The following UTRN variants were observed in gnomAD, a reference collection of about 807,000 sequenced individuals.
The protein encoded by UTRN is utrophin.
UTRN carries 283 observed loss-of-function variants against 463.9 expected under a neutral mutation model. The observed-to-expected ratio is 0.61, with a 90% CI of 0.55 to 0.67. UTRN has a LOEUF of 0.67. Among genes scored for constraint, UTRN ranks in the 30% least tolerant of loss-of-function variants. The pLI, the probability that UTRN is intolerant of heterozygous loss-of-function variation, is 0.00. For missense variants in UTRN, 3,922 were observed against 4,084.3 expected (o/e 0.96, Z 1.08); for synonymous variants, 1,442 against 1,431.5 (o/e 1.01, Z -0.17).
chr6:144,302,888 A>C (rs1230923811), intron 2 of UTRN, among the ~76,000 whole-genome samples: 1 of 152,170 alleles, frequency 6.6e-6, no homozygotes, highest in Non-Finnish European at 1.5e-5. Flanking sequence ...AGGCATTTGA[A>C]GTCTGTCCCT....
At chr6:144,815,554 A>G (rs2128751370) in intron 65 of UTRN, among the ~76,000 whole-genome samples, 1 of 152,352 alleles carries the variant, frequency 6.6e-6, no homozygotes, top group South Asian at 2.1e-4. Context: ...AGCCCCTGGC[A>G]AACCACTGGT....
chr6:144,390,659 A>G (rs1490625082), intron 2 of UTRN, among the ~76,000 whole-genome samples: 2 of 152,168 alleles, frequency 1.3e-5, no homozygotes, highest in African/African-American at 4.8e-5. Context: ...CTCTTCTACA[A>G]ATGCCTTTCT....
chr6:144,485,579 A>T (rs531104725), intron 28 of UTRN, 60 bp downstream of exon 28: 2 of 1,602,626 alleles, frequency 1.2e-6, no homozygotes, highest in African/African-American at 2.7e-5. Flanking sequence ...CACGTGTATT[A>T]CAATGAGGAA....
chr6:144,496,656 G>A (rs9321977), intron 33 of UTRN, among the ~76,000 whole-genome samples: 19 of 152,008 alleles, frequency 1.2e-4, no homozygotes, highest in Admixed American at 8.5e-4. Flanking sequence ...AAATTATCTC[G>A]TTGTCTAATG....
intron 41 of UTRN, among the ~76,000 whole-genome samples, chr6:144,528,485 G>A (rs938235295): frequency 3.9e-5 from 6 of 152,234 alleles, no homozygotes; most frequent in Non-Finnish European, 8.8e-5. Context: ...CCCATGAAAT[G>A]CTTCCTTGAT....
intron 49 of UTRN, among the ~76,000 whole-genome samples, chr6:144,556,656 T>C (rs1799411981): frequency 6.6e-6 from 1 of 152,238 alleles, no homozygotes; most frequent in Admixed American, 6.5e-5. Flanking sequence ...GTTTGGCTAT[T>C]CAAGCAAACT....
chr6:144,837,457 C>T (rs1238788194), intron 71 of UTRN, among the ~76,000 whole-genome samples: 1 of 152,186 alleles, frequency 6.6e-6, no homozygotes, highest in Non-Finnish European at 1.5e-5. Flanking sequence ...GAGACCTTTG[C>T]AGCAGGTGCA....
chr6:144,543,219 T>TG (rs1798128738), intron 46 of UTRN, among the ~76,000 whole-genome samples: 1 of 152,154 alleles, frequency 6.6e-6, no homozygotes, highest in Admixed American at 6.6e-5. Flanking sequence ...CAGCTATAAC[T>TG]TGTTGTGTTA....
chr6:144,429,492 TA>T, intron 8 of UTRN, 88 bp from the exon 9 acceptor site: 1 of 1,241,496 alleles, frequency 8.1e-7, no homozygotes, highest in Non-Finnish European at 1.1e-6. Flanking sequence ...TTATGGGTAC[TA>T]AGGAGAGTTA....
intron 51 of UTRN, among the ~76,000 whole-genome samples, chr6:144,649,182 A>AC: frequency 6.6e-6 from 1 of 152,324 alleles, no homozygotes; most frequent in South Asian, 2.1e-4. Flanking sequence ...TTTAAAAAAA[A>AC]CAAAACACGA....
intron 65 of UTRN, among the ~76,000 whole-genome samples, chr6:144,805,705 C>T (rs1358247839): frequency 6.6e-6 from 1 of 152,110 alleles, no homozygotes; most frequent in Non-Finnish European, 1.5e-5. Flanking sequence ...AAGTTCAAAG[C>T]CCTTCTGATT....
At position 144,537,618 on chromosome 6, in the gene UTRN, G is replaced by A. The variant is rs374804526; in HGVS notation, c.6270G>A (p.Arg2090=). The A allele has an allele frequency of 2.5e-5, 40 of 1,609,238 alleles. No homozygotes were observed. Among genetic ancestry groups the A allele is most frequent in the South Asian group, 2.4e-4 (22 of 90,252 alleles). The part of the protein sequence containing the change: ...KGESKQVMKY[R]HQLDEIICWL... ...AAAGTAAGCAGGTGATGAAGTACAGGCATCAGCTAGATGAGATTATCTGTT... is the reference window on the plus strand; with the variant it reads ...AAAGTAAGCAGGTGATGAAGTACAGACATCAGCTAGATGAGATTATCTGTT... The change falls in exon 44 of 75, where the codon AGG becomes AGA. Residue 2090 remains arginine (R), a synonymous_variant. Transcript: ENST00000367545.
At chr6:144,465,018 CT>C (rs1205057664) in intron 23 of UTRN, among the ~76,000 whole-genome samples, 2 of 152,190 alleles carry the variant, frequency 1.3e-5, no homozygotes, top group African/African-American at 4.8e-5. Flanking sequence ...TGGGAGAAGA[CT>C]TCCAGTGGGT....
intron 52 of UTRN, among the ~76,000 whole-genome samples, chr6:144,690,920 A>G (rs1000900544): frequency 3.3e-5 from 5 of 152,036 alleles, no homozygotes; most frequent in Non-Finnish European, 7.4e-5. Context: ...TGCTTCTTTC[A>G]AAGGGTCTGT....
intron 34 of UTRN, among the ~76,000 whole-genome samples, chr6:144,505,852 G>T (rs932542317): frequency 2.6e-5 from 4 of 152,154 alleles, no homozygotes; most frequent in Non-Finnish European, 5.9e-5. Flanking sequence ...TGCCAGTTGG[G>T]CGTTAAAGTA....
chr6:144,819,911 C>CCTCCTCCTGTCT lies in UTRN; in HGVS notation c.9358-968_9358-967insCTCCTGTCTCTC, dbSNP rs11397588. Among the ~76,000 whole-genome samples the CCTCCTCCTGTCT allele has an allele frequency of 3.4e-3, 399 of 118,628 alleles. 3 individuals carry two copies. The highest frequency in any genetic ancestry group is 8.3e-3 in the South Asian group (30 of 3,600). The allele number at this position is 118,628 out of a possible 152,430, so 77.8% of individuals were successfully genotyped here. ...TCCTCCTCCTCCTCCTCCTCCTCCT[C>CCTCCTCCTGTCT]CTCTCTCTCTCTCTCTCTCTCTTTC... On this transcript the variant is annotated intron_variant, in intron 65 of 74. Coordinates refer to ENST00000367545, the MANE Select transcript of UTRN (RefSeq NM_007124.3).
Position 144,699,131 on chromosome 6 carries a change from A to G in UTRN, c.7653-956A>G, listed in dbSNP as rs1425331878. Among the ~76,000 whole-genome samples, 3 of 152,138 alleles carry G rather than the reference A, an allele frequency of 2.0e-5. No homozygotes were observed. The East Asian group carries it at 5.8e-4, about 29-fold the overall frequency. The stretch of plus-strand genomic sequence containing the variant: ...TACAAGAGAAAGTAACACATCAGTA[A>G]TTTCCATTCCTAAAAAAGTTAATCA... On this transcript the variant is annotated intron_variant, in intron 52 of 74. Coordinates refer to ENST00000367545, the MANE Select transcript of UTRN (RefSeq NM_007124.3).
rs2128596746 is a variant in UTRN at position 144,523,085 on chromosome 6, A to C, written c.5803A>C (p.Ile1935Leu). 6.2e-7 allele frequency: 1 copy of C among 1,613,444 alleles called. No homozygotes were observed. The highest frequency in any genetic ancestry group is 1.3e-5 in the African/African-American group (1 of 75,028). ...AVIHEKQPDV[I>L]LEASGPEAIQ... ...CATTCATGAAAAACAGCCAGATGTC[A>C]TCCTTGAAGCCTCTGGACCTGAAGC... Residue 1935 changes from isoleucine to leucine, a missense_variant, in exon 41 of 75, where the codon ATC becomes CTC. Physicochemically the swap from Ile to Leu is conservative, Grantham distance 5 (BLOSUM62 2). Transcript: ENST00000367545.
At chr6:144,472,832 ATCTTGGCTCACTGCAACC>A (rs1180877493) in intron 23 of UTRN, among the ~76,000 whole-genome samples, 1 of 149,212 alleles carries the variant, frequency 6.7e-6, no homozygotes, top group African/African-American at 2.5e-5. Context: ...TAGTGGTGCC[ATCTTGGCTCACTGCAACC>A]TCTGCTTCCC....
Sources: allele counts gnomAD v4.1 joint callset (sites outside exome capture counted in the v4.1 genomes callset), GRCh38; gene constraint gnomAD v4.1.1; transcripts MANE v1.5; gene names NCBI Gene and HGNC (gene_info 2026-07-23, HGNC 2026-07-21).